RGPD2: variants seen among roughly 807,000 people sequenced by gnomAD.
RGPD2 encodes RANBP2 like and GRIP domain containing 2, also known as RANBP2-like and GRIP domain-containing protein 2.
Under a neutral mutation model 36.0 loss-of-function variants are expected in RGPD2, and 2 were observed. That is an observed-to-expected ratio of 0.06 (90% CI 0.02 to 0.17). The LOEUF is 0.17. RGPD2 is among the 10% of genes least tolerant of loss of function. RGPD2 has a pLI of 1.00. For synonymous variants in RGPD2, 19 were observed against 163.8 expected (o/e 0.12, Z 6.75); for missense variants, 40 against 464.3 (o/e 0.09, Z 8.40).
the RGPD2 span, among the ~76,000 whole-genome samples, chr2:87,876,179 G>GGT: frequency 1.1e-3 from 147 of 132,084 alleles, no homozygotes; most frequent in African/African-American, 4.1e-3. Flanking sequence ...GATTTGTGGG[G>GGT]TTTTTTTTTT....
intron 1 of RGPD2, among the ~76,000 whole-genome samples, chr2:87,824,449 C>T (rs989301274): frequency 3.4e-4 from 51 of 152,184 alleles, no homozygotes; most frequent in South Asian, 4.1e-4. Context: ...AGATGGCCAG[C>T]CTCTGCCAAA....
intron 4 of RGPD2, among the ~76,000 whole-genome samples, chr2:87,814,068 A>C (rs1193645965): frequency 2.1e-5 from 3 of 144,114 alleles, no homozygotes; most frequent in African/African-American, 7.7e-5. Flanking sequence ...CCAATATGGG[A>C]GTTATGTTTG....
the RGPD2 span, among the ~76,000 whole-genome samples, chr2:87,971,492 T>C: frequency 7.5e-6 from 1 of 133,390 alleles, no homozygotes. Flanking sequence ...ATTATTATCT[T>C]CTCTGTCTAT....
the RGPD2 span, among the ~76,000 whole-genome samples, chr2:87,855,530 A>G: frequency 6.8e-6 from 1 of 147,056 alleles, no homozygotes; most frequent in Non-Finnish European, 1.5e-5. Context: ...CATACAGTGT[A>G]TATATGTTTG....
chr2:87,886,937 C>T, the RGPD2 span, among the ~76,000 whole-genome samples: 1 of 151,342 alleles, frequency 6.6e-6, no homozygotes, highest in African/African-American at 2.4e-5. Flanking sequence ...AGGAATCTAC[C>T]TGGGATATGC....
the RGPD2 span, among the ~76,000 whole-genome samples, chr2:87,947,477 T>C: frequency 6.6e-6 from 1 of 152,228 alleles, no homozygotes; most frequent in African/African-American, 2.4e-5. Context: ...ATGGATAATA[T>C]TGAAGATATA....
the RGPD2 span, among the ~76,000 whole-genome samples, chr2:87,873,033 C>A: frequency 3.3e-5 from 5 of 152,282 alleles, no homozygotes; most frequent in African/African-American, 1.2e-4. Flanking sequence ...GCTAGGATTA[C>A]AGGCATGAGC....
chr2:87,874,122 T>C, the RGPD2 span, among the ~76,000 whole-genome samples: 1 of 144,754 alleles, frequency 6.9e-6, no homozygotes, highest in African/African-American at 2.6e-5. Flanking sequence ...ACTAGACCTT[T>C]GTTAGATGGA....
At chr2:87,930,831 A>G in the RGPD2 span, among the ~76,000 whole-genome samples, 13 of 101,378 alleles carry the variant, frequency 1.3e-4, no homozygotes, top group Admixed American at 1.2e-3. Context: ...CATTTCTTCC[A>G]GTTTTTTTTT....
At chr2:87,825,157 GC>G (rs1257313856) in intron 1 of RGPD2, 4 of 390,854 alleles carry the variant, frequency 1.0e-5, no homozygotes, top group Admixed American at 8.9e-5. Flanking sequence ...AGGTCTGCCC[GC>G]CGCAGTACTG....
chr2:87,835,845 GT>G, the RGPD2 span, among the ~76,000 whole-genome samples: 2 of 96,354 alleles, frequency 2.1e-5, no homozygotes, highest in Non-Finnish European at 4.2e-5. Flanking sequence ...CTTGCTCTGG[GT>G]TTGGAGGGAG....
the RGPD2 span, among the ~76,000 whole-genome samples, chr2:87,923,038 T>C: frequency 6.6e-6 from 1 of 151,970 alleles, no homozygotes; most frequent in Admixed American, 6.6e-5. Flanking sequence ...TATTAGGATT[T>C]TGTTAAAGTT....
At chr2:87,919,544 T>G in the RGPD2 span, among the ~76,000 whole-genome samples, 1 of 151,756 alleles carries the variant, frequency 6.6e-6, no homozygotes, top group East Asian at 1.9e-4. Flanking sequence ...ACTTTACGTG[T>G]TGTATATAAC....
the RGPD2 span, among the ~76,000 whole-genome samples, chr2:87,877,882 T>G: frequency 6.6e-6 from 1 of 151,262 alleles, no homozygotes; most frequent in Non-Finnish European, 1.5e-5. Context: ...TTAGAGTTTC[T>G]GCTGAGAGGT....
At chr2:87,875,045 G>A in the RGPD2 span, among the ~76,000 whole-genome samples, 1 of 152,212 alleles carries the variant, frequency 6.6e-6, no homozygotes, top group African/African-American at 2.4e-5. Context: ...AGCAAGTTTT[G>A]CACATTGATT....
chr2:87,766,708 AAC>A (rs1217029465), intron 22 of RGPD2: 2 of 145,184 alleles, frequency 1.4e-5, no homozygotes, highest in Non-Finnish European at 3.0e-5. Flanking sequence ...TTAGTACCTT[AAC>A]ACATATTTAT....
the RGPD2 span, among the ~76,000 whole-genome samples, chr2:87,915,745 C>G: frequency 6.8e-6 from 1 of 147,630 alleles, no homozygotes; most frequent in African/African-American, 2.5e-5. Flanking sequence ...ATCGAGATCC[C>G]CACTGTTTTC....
the RGPD2 span, among the ~76,000 whole-genome samples, chr2:87,914,051 T>C: frequency 6.6e-6 from 1 of 151,998 alleles, no homozygotes. Flanking sequence ...CACAGACAGT[T>C]TATTGTCATA....
chr2:87,824,739 C>T (rs1426881956), intron 1 of RGPD2, among the ~76,000 whole-genome samples: 5 of 110,082 alleles, frequency 4.5e-5, no homozygotes. Flanking sequence ...CCGGCCAGGC[C>T]GAGGCCGCCG....
Sources: gnomAD v4.1 joint callset for allele counts (sites outside exome capture counted in the v4.1 genomes callset) on GRCh38, gnomAD v4.1.1 for gene constraint, MANE v1.5 for transcripts, NCBI Gene and HGNC (gene_info 2026-07-23, HGNC 2026-07-21) for gene names.